Variants in UTP20 observed in about 807,000 individuals in gnomAD.
The protein encoded by UTP20 is small subunit processome component 20 homolog.
In UTP20, 164 loss-of-function variants were observed where a neutral mutation model predicts 329.5. The ratio of observed to expected loss-of-function variants is 0.50; its 90% CI spans 0.44 to 0.57. UTP20 has a LOEUF of 0.57. UTP20 is among the 20% of genes least tolerant of loss of function. The pLI, the probability that UTP20 is intolerant of heterozygous loss-of-function variation, is 0.00. For synonymous variants in UTP20, 1,151 were observed against 1,159.3 expected (o/e 0.99, Z 0.14); for missense variants, 3,055 against 3,284.2 (o/e 0.93, Z 1.71).
Position 101,292,787 on chromosome 12 carries a change from A to C in UTP20, c.1174-381A>C, listed in dbSNP as rs368399519. The stretch of plus-strand genomic sequence containing the variant: ...TATCCTGCATTAGTGGAGGACCCTG[A>C]AAGAATTCCAAGCAGGGATATGATT... On this transcript the variant is annotated intron_variant, in intron 10 of 61. Coordinates refer to ENST00000261637, the MANE Select transcript of UTP20 (RefSeq NM_014503.3). Among the ~76,000 whole-genome samples the C allele has an allele frequency of 2.6e-5, 4 of 152,350 alleles. No homozygotes were observed. In the East Asian group the frequency reaches 5.8e-4, roughly 22 times the overall value.
rs778647982 is a variant in UTP20, at chr12:101,371,107, G to A, written c.6737G>A (p.Arg2246Gln). The A allele has an allele frequency of 5.6e-6, 9 of 1,613,966 alleles. No homozygotes were observed. The highest frequency in any genetic ancestry group is 2.7e-5 in the African/African-American group (2 of 74,930). ...LLVPEIDEVM[R>Q]KVSKLAVSAQ... ...GTCCCAGAAATCGATGAGGTCATGC[G>A]GAAAGTATCCAAGTTGGCAGTCTCT... The change falls in exon 51 of 62, where the codon CGG becomes CAG. Residue 2246 changes from arginine to glutamine, a missense_variant. By Grantham distance (43) the Arg-to-Gln change is conservative. Coordinates refer to ENST00000261637, the MANE Select transcript of UTP20 (RefSeq NM_014503.3).
At position 101,333,365 on chromosome 12, in the gene UTP20, A is replaced by T. The variant is rs753132635; in HGVS notation, c.3482A>T (p.Asp1161Val). ...CGTCTTGGAATCAAAATGGTAACTG[A>T]TATCTTTTTGGACTGGGAATCATAT... is the stretch of plus-strand genomic sequence containing the variant. Reference protein sequence around the residue: ...LRRLGIKMVTDIFLDWESYQF... With the variant: ...LRRLGIKMVTVIFLDWESYQF... The change falls in exon 28 of 62, where the codon GAT (aspartate) becomes GTT (valine). Residue 1161 changes from aspartate to valine, a missense_variant. This residue lies in a region of UTP20 where 2,445 missense variants were observed against 2,575.5 expected (regional missense o/e 0.95). Transcript: ENST00000261637. 1 of 1,614,028 alleles carries T rather than the reference A, an allele frequency of 6.2e-7. No homozygotes were observed.
chr12:101,367,804 TA>T, intron 47 of UTP20, 55 bp from the exon 48 acceptor site: 1 of 1,042,920 alleles, frequency 9.6e-7, no homozygotes, highest in Non-Finnish European at 1.5e-6. Flanking sequence ...CACATTTACC[TA>T]ACTCATCTGG....
At chr12:101,314,430 T>G (rs984509648) in intron 21 of UTP20, among the ~76,000 whole-genome samples, 3 of 151,218 alleles carry the variant, frequency 2.0e-5, no homozygotes, top group Non-Finnish European at 4.4e-5. Context: ...AGGCCGAGGC[T>G]GGTGGATCAC....
Position 101,346,465 on chromosome 12 carries a change from A to T in UTP20, c.4761A>T (p.Ala1587=). 6.2e-7 allele frequency: 1 copy of T among 1,604,650 alleles called. No homozygotes were observed. Among genetic ancestry groups the T allele is most frequent in the Non-Finnish European group, 8.5e-7 (1 of 1,177,000 alleles). Residue 1587 remains alanine, a synonymous_variant, in exon 38 of 62, where the codon GCA becomes GCT. Coordinates refer to ENST00000261637, the MANE Select transcript of UTP20 (RefSeq NM_014503.3). ...CTTACCCATAGATCCACAGAAGAGC[A>T]AGAGCCTTGAAGAAACTTGCAAAAC... is the stretch of plus-strand genomic sequence containing the variant. ...NMKHIQIHRR[A]RALKKLAKQL... is the part of the protein sequence containing the mutation.
chr12:101,290,120 T>C lies in UTP20; in HGVS notation c.598-17T>C. 1 of 1,512,274 alleles carries C rather than the reference T, an allele frequency of 6.6e-7. No homozygotes were observed. Among genetic ancestry groups the C allele is most frequent in the Non-Finnish European group, 9.0e-7 (1 of 1,105,058 alleles). The allele number at this position is 1,512,274 out of a possible 1,614,324, so 93.7% of individuals were successfully genotyped here. On this transcript the variant is annotated splice_polypyrimidine_tract_variant and intron_variant, in intron 6 of 61. Coordinates refer to ENST00000261637, the MANE Select transcript of UTP20 (RefSeq NM_014503.3). Reference sequence around the variant, plus strand: ...ATGTTTGTGAATATAATTTTCCATTTCTACTTTATATTTTAGGTCTCTGAT... The same window carrying C: ...ATGTTTGTGAATATAATTTTCCATTCCTACTTTATATTTTAGGTCTCTGAT...
chr12:101,280,360 G>T, intron 1 of UTP20, 33 bp downstream of exon 1: 1 of 1,551,532 alleles, frequency 6.4e-7, no homozygotes, highest in Non-Finnish European at 8.7e-7. Context: ...GGAGCCGCGG[G>T]TCTCCGCTGC....
In UTP20 at chr12:101,304,089, C is replaced by T. The variant is rs949475713; in HGVS notation, c.1781+1536C>T. 6.6e-5 allele frequency among the ~76,000 whole-genome samples: 10 copies of T among 152,340 alleles called. No homozygotes were observed. The East Asian group carries it at 9.7e-4, about 15-fold the overall frequency. On this transcript the variant is annotated intron_variant, in intron 15 of 61. Coordinates refer to ENST00000261637, the MANE Select transcript of UTP20 (RefSeq NM_014503.3). ...GGGGAAGGCCAGCTTGCCTCCCAGC[C>T]AGGTGGCTCTAAGCCTTGGAGACAC...
At chr12:101,351,443 T>C (rs1051540781) in intron 38 of UTP20, among the ~76,000 whole-genome samples, 5 of 152,006 alleles carry the variant, frequency 3.3e-5, no homozygotes, top group African/African-American at 9.7e-5. Context: ...GTATTTTGCC[T>C]GCTTTTCTAG....
At chr12:101,307,147 C>T (rs1279340690) in intron 17 of UTP20, among the ~76,000 whole-genome samples, 1 of 147,124 alleles carries the variant, frequency 6.8e-6, no homozygotes, top group South Asian at 2.1e-4. Context: ...CACTGCACTC[C>T]AGCCTGGGCG....
At position 101,321,602 on chromosome 12, in the gene UTP20, G is replaced by A. The variant is rs367580506; in HGVS notation, c.3014G>A (p.Arg1005Gln). The change falls in exon 25 of 62, where the codon CGA (arginine) becomes CAA (glutamine). Residue 1005 changes from arginine (R) to glutamine (Q), a missense_variant. Transcript: ENST00000261637. ...AATGCTGTAGTGAAAACAGCCCACC[G>A]AGCAGATCTATTTCCTATTCTGATG... ...EDNAVVKTAH[R>Q]ADLFPILMRI... The A allele has an allele frequency of 4.6e-5, 75 of 1,613,336 alleles. No individual in the cohort carries two copies. Among genetic ancestry groups the A allele is most frequent in the Admixed American group, 1.0e-4 (6 of 59,984 alleles).
intron 23 of UTP20, 27 bp from the exon 24 acceptor site, chr12:101,320,825 A>G (rs2137260096): frequency 1.3e-6 from 2 of 1,587,462 alleles, no homozygotes; most frequent in African/African-American, 1.4e-5. Flanking sequence ...ATATGACTTC[A>G]TTAATTCTGT....
chr12:101,291,607 T>C, intron 8 of UTP20, 135 bp from the exon 9 acceptor site: 1 of 761,104 alleles, frequency 1.3e-6, no homozygotes, highest in Non-Finnish European at 1.9e-6. Flanking sequence ...TTATCGTTAG[T>C]GAGTCCTGGT....
At position 101,312,058 on chromosome 12, in the gene UTP20, G is replaced by T; in HGVS notation, c.2334G>T (p.Met778Ile). The T allele has an allele frequency of 6.2e-7, 1 of 1,614,220 alleles. No individual in the cohort carries two copies. The highest frequency in any genetic ancestry group is 1.1e-5 in the South Asian group (1 of 91,068). Residue 778 changes from methionine (M) to isoleucine (I), a missense_variant, in exon 21 of 62, where the codon ATG becomes ATT. Met to Ile is a conservative substitution (Grantham distance 10). This residue lies in a region of UTP20 where 2,445 missense variants were observed against 2,575.5 expected (regional missense o/e 0.95). Coordinates refer to ENST00000261637, the MANE Select transcript of UTP20 (RefSeq NM_014503.3). ...THAEKELQNDMTDEKSVGDES... is the reference protein window; with the variant it reads ...THAEKELQNDITDEKSVGDES... ...CAGAGAAGGAACTACAGAATGATAT[G>T]ACAGATGAGAAGTCCGTTGGAGATG... is the stretch of plus-strand genomic sequence containing the variant.
rs767575263 is a variant in UTP20 at position 101,320,927 on chromosome 12, C to A, written c.2905C>A (p.Leu969Ile). The part of the protein sequence containing the change: ...CIMTYKHPHV[L>I]PYRENLQRLL... ...AATGACATATAAACATCCTCATGTC[C>A]TCCCTTACAGGTAAGTTACTTGAAG... Residue 969 changes from leucine to isoleucine, a missense_variant, in exon 24 of 62, where the codon CTC (leucine) becomes ATC (isoleucine). Transcript: ENST00000261637. The A allele has an allele frequency of 2.5e-6, 4 of 1,606,944 alleles. No homozygotes were observed. Among genetic ancestry groups the A allele is most frequent in the Non-Finnish European group, 3.4e-6 (4 of 1,178,292 alleles).
rs113480633 is a variant in UTP20 at position 101,289,705 on chromosome 12, T to C, written c.598-432T>C. On this transcript the variant is annotated intron_variant, in intron 6 of 61. Transcript: ENST00000261637. ...GTGACATTAACAAGAACTTTTCTAA[T>C]AGTTTCCTGGAAGTAACTGGTAGCA... Among the ~76,000 whole-genome samples, 594 of 152,298 alleles carry C rather than the reference T, an allele frequency of 3.9e-3. 4 individuals are homozygous for C. Among genetic ancestry groups the C allele is most frequent in the African/African-American group, 0.013 (539 of 41,562 alleles).
chr12:101,311,078 T>C (rs554979803), intron 19 of UTP20, among the ~76,000 whole-genome samples: 2 of 152,342 alleles, frequency 1.3e-5, no homozygotes, highest in South Asian at 2.1e-4. Context: ...TTTGGAAGGA[T>C]AGAAACAACA....
At chr12:101,314,614 T>G (rs557792260) in intron 21 of UTP20, among the ~76,000 whole-genome samples, 1 of 149,618 alleles carries the variant, frequency 6.7e-6, no homozygotes, top group Admixed American at 6.7e-5. Flanking sequence ...GCCAAAATTG[T>G]GTCACTGCAC....
intron 15 of UTP20, among the ~76,000 whole-genome samples, chr12:101,303,452 A>T (rs1291493993): frequency 6.6e-6 from 1 of 152,200 alleles, no homozygotes; most frequent in Non-Finnish European, 1.5e-5. Flanking sequence ...GAGACACTTA[A>T]GCAGAAGGCG....
Sources: gnomAD v4.1 joint callset for allele counts (sites outside exome capture counted in the v4.1 genomes callset) on GRCh38, gnomAD v4.1.1 for gene constraint, gnomAD v4.1.1 regional missense constraint, MANE v1.5 for transcripts, NCBI Gene and HGNC (gene_info 2026-07-23, HGNC 2026-07-21) for gene names.